The following AGAP1 variants were observed in gnomAD, a reference collection of about 807,000 sequenced individuals.
AGAP1 encodes the protein ArfGAP with GTPase domain, ankyrin repeat and PH domain 1, also known as arf-GAP with GTPase, ANK repeat and PH domain-containing protein 1.
A neutral mutation model predicts 105.3 loss-of-function variants in AGAP1; 29 were observed. That is an observed-to-expected ratio of 0.28 (90% CI 0.21 to 0.38). The LOEUF is 0.38. Among genes scored for constraint, AGAP1 ranks in the 10% least tolerant of loss-of-function variants. The pLI is 1.00. For synonymous variants in AGAP1, 509 were observed against 485.9 expected (o/e 1.05, Z -0.63); for missense variants, 998 against 1,165.1 (o/e 0.86, Z 2.09).
intron 14 of AGAP1, among the ~76,000 whole-genome samples, chr2:236,039,301 C>T (rs1411666681): frequency 6.6e-6 from 1 of 152,014 alleles, no homozygotes; most frequent in African/African-American, 2.4e-5. Flanking sequence ...TTTTAAATAG[C>T]CAGGTGCATG....
chr2:236,120,161 G>C lies in AGAP1; in HGVS notation c.2115-31G>C. 6.3e-7 allele frequency: 1 copy of C among 1,588,592 alleles called. No homozygotes were observed. Among genetic ancestry groups the C allele is most frequent in the South Asian group, 1.2e-5 (1 of 86,532 alleles). ...GCAGCCTGTGTTCTCGGGCCTGATCGTGACTGCACCTGTCTGGTGGCTCTT... is the reference window on the plus strand; with the variant it reads ...GCAGCCTGTGTTCTCGGGCCTGATCCTGACTGCACCTGTCTGGTGGCTCTT... On this transcript the variant is annotated intron_variant, in intron 16 of 17. Coordinates refer to ENST00000304032, the MANE Select transcript of AGAP1 (RefSeq NM_001037131.3). The surrounding 1 kb of genome is among the most constrained non-coding windows in gnomAD (Gnocchi z 6.0).
chr2:236,077,321 CTCTT>C (rs1003446043), intron 16 of AGAP1, among the ~76,000 whole-genome samples: 7 of 138,210 alleles, frequency 5.1e-5, no homozygotes, highest in African/African-American at 1.6e-4. Flanking sequence ...TTATGTATGT[CTCTT>C]TTTTTTTTTT....
In AGAP1 at chr2:236,053,295, A is replaced by C. The variant is rs2057960778; in HGVS notation, c.2114+4014A>C. On this transcript the variant is annotated intron_variant, in intron 16 of 17. Coordinates refer to ENST00000304032, the MANE Select transcript of AGAP1 (RefSeq NM_001037131.3). The surrounding 1 kb of genome is among the most constrained non-coding windows in gnomAD (Gnocchi z 4.6). Reference sequence around the variant, plus strand: ...GAACGAGTAAATGAGTGAAAGCGGGAACTCGTCATCATGGAACACATGTCA... The same window carrying C: ...GAACGAGTAAATGAGTGAAAGCGGGCACTCGTCATCATGGAACACATGTCA... Among the ~76,000 whole-genome samples the C allele has an allele frequency of 6.6e-6, 1 of 152,230 alleles. No homozygotes were observed. Among genetic ancestry groups the C allele is most frequent in the South Asian group, 2.1e-4 (1 of 4,832 alleles).
At chr2:235,913,111 A>T (rs2051699586) in intron 11 of AGAP1, among the ~76,000 whole-genome samples, 1 of 152,036 alleles carries the variant, frequency 6.6e-6, no homozygotes, top group Admixed American at 6.6e-5. Flanking sequence ...CCTCTTTTTT[A>T]TTTATAATCA....
intron 1 of AGAP1, among the ~76,000 whole-genome samples, chr2:235,518,470 C>A (rs1007228960): frequency 6.6e-6 from 1 of 152,202 alleles, no homozygotes; most frequent in Non-Finnish European, 1.5e-5. Context: ...GTGTGCCCCA[C>A]CCTGCAATTG....
chr2:235,754,428 A>T lies in AGAP1; in HGVS notation c.673+3940A>T, dbSNP rs1270415818. On this transcript the variant is annotated intron_variant, in intron 6 of 17. Transcript: ENST00000304032. This position sits in a 1 kb window ranked among gnomAD's most constrained non-coding sequence, Gnocchi z 4.6. ...CTACATAATGTTTGGCTTGTAAATAAAAAAAAAAAAAAAATCCAGCTGCTT... is the reference window on the plus strand; with the variant it reads ...CTACATAATGTTTGGCTTGTAAATATAAAAAAAAAAAAAATCCAGCTGCTT... Among the ~76,000 whole-genome samples the T allele has an allele frequency of 2.3e-5, 2 of 88,310 alleles. No homozygotes were observed. Among genetic ancestry groups the T allele is most frequent in the Non-Finnish European group, 5.1e-5 (2 of 38,934 alleles). The allele number at this position is 88,310 out of a possible 152,430, so 57.9% of individuals were successfully genotyped here.
intron 1 of AGAP1, among the ~76,000 whole-genome samples, chr2:235,684,609 C>T (rs1411413200): frequency 6.6e-6 from 1 of 152,124 alleles, no homozygotes; most frequent in African/African-American, 2.4e-5. Context: ...ATGAGTGAGT[C>T]TTAGTGATTT....
chr2:236,066,456 G>GCT (rs1170637734), intron 16 of AGAP1, among the ~76,000 whole-genome samples: 1 of 152,098 alleles, frequency 6.6e-6, no homozygotes, highest in Non-Finnish European at 1.5e-5. Context: ...AAATTCCTGA[G>GCT]CTCAATTGAT....
intron 1 of AGAP1, among the ~76,000 whole-genome samples, chr2:235,498,629 C>CCT (rs1234826793): frequency 1.3e-5 from 2 of 152,206 alleles, no homozygotes; most frequent in East Asian, 3.8e-4. Flanking sequence ...AAGGATAAAG[C>CCT]CTCTCTTAGC....
intron 16 of AGAP1, among the ~76,000 whole-genome samples, chr2:236,064,435 A>AG (rs1411264920): frequency 6.6e-6 from 1 of 152,152 alleles, no homozygotes; most frequent in African/African-American, 2.4e-5. Context: ...TACTAAAAAA[A>AG]AAATACAAAA....
intron 16 of AGAP1, among the ~76,000 whole-genome samples, chr2:236,088,379 T>C (rs945311063): frequency 6.6e-6 from 1 of 152,232 alleles, no homozygotes; most frequent in Non-Finnish European, 1.5e-5. Flanking sequence ...ATCTGGAGTT[T>C]GGGTCCTGGG....
At chr2:235,695,500 C>T (rs549073190) in intron 1 of AGAP1, among the ~76,000 whole-genome samples, 18 of 152,244 alleles carry the variant, frequency 1.2e-4, no homozygotes, top group African/African-American at 4.1e-4. Flanking sequence ...GAACAGACAG[C>T]GGCTCAGGTT....
At position 235,988,079 on chromosome 2, in the gene AGAP1, G is replaced by A. The variant is rs984811924; in HGVS notation, c.1645+19456G>A. On this transcript the variant is annotated intron_variant, in intron 13 of 17. Transcript: ENST00000304032. This position sits in a 1 kb window ranked among gnomAD's most constrained non-coding sequence, Gnocchi z 4.7. The stretch of plus-strand genomic sequence containing the variant: ...TTTTTTGAAACAAGAGTCTCACTCT[G>A]TTGCCCAGGCTGGAGTGTGGTGGCA... Among the ~76,000 whole-genome samples, 21 of 152,202 alleles carry A rather than the reference G, an allele frequency of 1.4e-4. No individual in the cohort carries two copies. The highest frequency in any genetic ancestry group is 4.8e-4 in the African/African-American group (20 of 41,434).
Position 235,855,091 on chromosome 2 carries a change from A to G in AGAP1, c.1051-28254A>G, listed in dbSNP as rs890402557. Among the ~76,000 whole-genome samples, 4 of 152,346 alleles carry G rather than the reference A, an allele frequency of 2.6e-5. No homozygotes were observed. Among genetic ancestry groups the G allele is most frequent in the South Asian group, 4.1e-4 (2 of 4,826 alleles). ...ATGGACCCTTATTTCGTGAAGGAAC[A>G]GAAAAGTAGAAAAGGTTTAAAGGCA... On this transcript the variant is annotated intron_variant, in intron 9 of 17. Coordinates refer to ENST00000304032, the MANE Select transcript of AGAP1 (RefSeq NM_001037131.3). The surrounding 1 kb of genome is among the most constrained non-coding windows in gnomAD (Gnocchi z 5.0).
In AGAP1 at chr2:235,739,667, G is replaced by A. The variant is rs1210842148; in HGVS notation, c.311-1296G>A. Among the ~76,000 whole-genome samples, 2 of 152,272 alleles carry A rather than the reference G, an allele frequency of 1.3e-5. No individual in the cohort carries two copies. Among genetic ancestry groups the A allele is most frequent in the Admixed American group, 6.5e-5 (1 of 15,290 alleles). ...GCATAGGTGTTGAGTGTGAGCACAC[G>A]AGCATGGCAGGAGCTCGCGGGAACG... On this transcript the variant is annotated intron_variant, in intron 3 of 17. Coordinates refer to ENST00000304032, the MANE Select transcript of AGAP1 (RefSeq NM_001037131.3). This position sits in a 1 kb window ranked among gnomAD's most constrained non-coding sequence, Gnocchi z 5.3.
Position 236,051,232 on chromosome 2 carries a change from G to A in AGAP1, c.2114+1951G>A, listed in dbSNP as rs927105738. On this transcript the variant is annotated intron_variant, in intron 16 of 17. Transcript: ENST00000304032. This position sits in a 1 kb window ranked among gnomAD's most constrained non-coding sequence, Gnocchi z 5.9. ...CACCTAAGAAGATAAACACATACGA[G>A]AACTGAATATTTCTTTGTGCCTGTA... Among the ~76,000 whole-genome samples the A allele has an allele frequency of 6.6e-6, 1 of 152,212 alleles. No individual in the cohort carries two copies. The highest frequency in any genetic ancestry group is 1.5e-5 in the Non-Finnish European group (1 of 68,018).
rs1422216382 is a variant in AGAP1, at chr2:235,865,424, A to G, written c.1051-17921A>G. Among the ~76,000 whole-genome samples the G allele has an allele frequency of 6.6e-6, 1 of 152,216 alleles. No individual in the cohort carries two copies. Among genetic ancestry groups the G allele is most frequent in the Non-Finnish European group, 1.5e-5 (1 of 68,040 alleles). On this transcript the variant is annotated intron_variant, in intron 9 of 17. Coordinates refer to ENST00000304032, the MANE Select transcript of AGAP1 (RefSeq NM_001037131.3). This position sits in a 1 kb window ranked among gnomAD's most constrained non-coding sequence, Gnocchi z 6.2. ...GTGTGGCGCCGACCCCGCCGTGCGC[A>G]ATCGGGGCTTTATACGATTGCTGGA...
rs544297558 is a variant in AGAP1 at position 235,753,705 on chromosome 2, C to CAA, written c.673+3230_673+3231dup. On this transcript the variant is annotated intron_variant, in intron 6 of 17. Transcript: ENST00000304032. This position sits in a 1 kb window ranked among gnomAD's most constrained non-coding sequence, Gnocchi z 4.5. ...TGGGTGACAGAGCGAGACTCTGTCT[C>CAA]AAAAAAAAAAAAAAGTAGGATTTTA... Among the ~76,000 whole-genome samples, 4 of 114,280 alleles carry CAA rather than the reference C, an allele frequency of 3.5e-5. No individual in the cohort carries two copies. Among genetic ancestry groups the CAA allele is most frequent in the African/African-American group, 3.2e-5 (1 of 30,856 alleles). The allele number at this position is 114,280 out of a possible 152,430, so 75.0% of individuals were successfully genotyped here. A position where few individuals can be genotyped will look rare whatever the true frequency, so the allele number is the denominator to read the frequency against.
In AGAP1 at chr2:235,599,386, G is replaced by T. The variant is rs1462887318; in HGVS notation, c.163+104537G>T. ...TGTGGCGGGCAGCAAGGAGGCTGGG[G>T]AAGTGGATGCTGCAGGGTGAGCTCT... On this transcript the variant is annotated intron_variant, in intron 1 of 17. Transcript: ENST00000304032. This position sits in a 1 kb window ranked among gnomAD's most constrained non-coding sequence, Gnocchi z 5.3. Among the ~76,000 whole-genome samples the T allele has an allele frequency of 2.6e-5, 4 of 152,158 alleles. No individual in the cohort carries two copies. The highest frequency in any genetic ancestry group is 2.6e-4 in the Admixed American group (4 of 15,276).
Sources: gnomAD v4.1 joint callset for allele counts (sites outside exome capture counted in the v4.1 genomes callset) on GRCh38, gnomAD v4.1.1 for gene constraint, Gnocchi (gnomAD v3.1) non-coding constraint, MANE v1.5 for transcripts, NCBI Gene and HGNC (gene_info 2026-07-23, HGNC 2026-07-21) for gene names.